RLN2: variants seen among roughly 807,000 people sequenced by gnomAD.
The protein encoded by RLN2 is prorelaxin H2.
Under a neutral mutation model 7.3 loss-of-function variants are expected in RLN2, and 10 were observed. The ratio of observed to expected loss-of-function variants is 1.36; its 90% CI spans 0.84 to 2.31. RLN2 has a LOEUF of 2.31. Among genes scored for constraint, RLN2 ranks in the 30% most tolerant of loss-of-function variants. RLN2 has a pLI of 0.00. For synonymous variants in RLN2, 103 were observed against 82.3 expected, an observed-to-expected ratio of 1.25 and a Z score of -1.36; for missense variants, 298 against 217.6, an observed-to-expected ratio of 1.37 and a Z score of -2.32.
At chr9:5,307,271 G>GGATAGATA (rs148888922), upstream of RLN2, among the ~76,000 whole-genome samples, 919 of 143,562 alleles carry the variant, frequency 6.4e-3, 9 homozygotes, top group African/African-American at 9.1e-3. Context: ...GATAGATAGA[G>GGATAGATA]GATAGATAGA....
the RLN2 span, among the ~76,000 whole-genome samples, chr9:5,323,430 T>C: frequency 6.6e-6 from 1 of 152,104 alleles, no homozygotes. Context: ...GTCATCATCA[T>C]TATTTCATCT....
At chr9:5,315,289 C>T in the RLN2 span, among the ~76,000 whole-genome samples, 1 of 150,902 alleles carries the variant, frequency 6.6e-6, no homozygotes, top group African/African-American at 2.4e-5. Flanking sequence ...TCTTAGAGCT[C>T]AAGAACTGAG....
At chr9:5,329,582 GA>G in the RLN2 span, among the ~76,000 whole-genome samples, 58 of 145,260 alleles carry the variant, frequency 4.0e-4, no homozygotes, top group South Asian at 6.5e-4. Flanking sequence ...GAAACGGAGA[GA>G]AAAAAAAAAA....
chr9:5,337,471 T>G, the RLN2 span, among the ~76,000 whole-genome samples: 5 of 152,050 alleles, frequency 3.3e-5, no homozygotes, highest in African/African-American at 1.2e-4. Flanking sequence ...GTATTTTGGA[T>G]GCAAATCTTA....
upstream of RLN2, among the ~76,000 whole-genome samples, chr9:5,307,000 T>C (rs1816263100): frequency 6.6e-6 from 1 of 152,022 alleles, no homozygotes; most frequent in Non-Finnish European, 1.5e-5. Flanking sequence ...CTCCTTTCTT[T>C]CCTTCCTGAA....
chr9:5,317,489 G>C, the RLN2 span, among the ~76,000 whole-genome samples: 1,052 of 148,652 alleles, frequency 7.1e-3, 24 homozygotes, highest in African/African-American at 0.026. Context: ...TGAGAACGAA[G>C]AGCTCTGAGG....
the RLN2 span, among the ~76,000 whole-genome samples, chr9:5,323,595 A>G: frequency 6.6e-6 from 1 of 151,934 alleles, no homozygotes; most frequent in Non-Finnish European, 1.5e-5. Context: ...TGCTGTACTT[A>G]TTAAAGGTAC....
At chr9:5,318,724 T>G in the RLN2 span, among the ~76,000 whole-genome samples, 1 of 151,942 alleles carries the variant, frequency 6.6e-6, no homozygotes, top group Non-Finnish European at 1.5e-5. Context: ...GTTACTTGTT[T>G]GTAGTTTTTG....
the RLN2 span, among the ~76,000 whole-genome samples, chr9:5,324,398 C>A: frequency 6.6e-6 from 1 of 151,948 alleles, no homozygotes; most frequent in Non-Finnish European, 1.5e-5. Flanking sequence ...AATCATTTTA[C>A]ATTATAATTT....
chr9:5,325,335 G>C, the RLN2 span, among the ~76,000 whole-genome samples: 7 of 151,676 alleles, frequency 4.6e-5, no homozygotes, highest in Non-Finnish European at 8.8e-5. Context: ...TTAAAAATAG[G>C]AAAGGCTAGA....
the RLN2 span, among the ~76,000 whole-genome samples, chr9:5,314,857 C>T: frequency 2.6e-5 from 4 of 151,624 alleles, no homozygotes; most frequent in Non-Finnish European, 5.9e-5. Context: ...TCCCTCGTGT[C>T]CTGGGGCCTA....
chr9:5,309,275 ACT>A (rs1359692995), upstream of RLN2, among the ~76,000 whole-genome samples: 1 of 151,378 alleles, frequency 6.6e-6, no homozygotes, highest in African/African-American at 2.4e-5. Flanking sequence ...ATCCCTTCTC[ACT>A]CTCTGCTCAG....
the RLN2 span, among the ~76,000 whole-genome samples, chr9:5,330,431 G>T: frequency 6.6e-6 from 1 of 151,784 alleles, no homozygotes; most frequent in Non-Finnish European, 1.5e-5. Flanking sequence ...GAGGTCAGGA[G>T]ATCGAGACCA....
the RLN2 span, among the ~76,000 whole-genome samples, chr9:5,319,126 A>T: frequency 6.6e-6 from 1 of 151,996 alleles, no homozygotes; most frequent in African/African-American, 2.4e-5. Context: ...AGTTTCATAC[A>T]CATCCCTTTC....
chr9:5,331,606 G>T, the RLN2 span, among the ~76,000 whole-genome samples: 1 of 127,502 alleles, frequency 7.8e-6, no homozygotes, highest in Non-Finnish European at 1.6e-5. Context: ...CCATAGGTGG[G>T]AATTGAACAA....
intron 1 of RLN2, chr9:5,303,972 T>C: frequency 5.9e-6 from 1 of 168,884 alleles, no homozygotes; most frequent in Non-Finnish European, 1.0e-5. Context: ...GCACGCCCGC[T>C]GTCTGGCCGC....
At chr9:5,333,758 G>A in the RLN2 span, among the ~76,000 whole-genome samples, 322 of 152,072 alleles carry the variant, frequency 2.1e-3, 2 homozygotes, top group African/African-American at 6.6e-3. Context: ...GAACATCGAT[G>A]CAAAAATCCT....
At chr9:5,337,798 T>C in the RLN2 span, among the ~76,000 whole-genome samples, 20 of 152,142 alleles carry the variant, frequency 1.3e-4, no homozygotes, top group South Asian at 4.2e-3. Flanking sequence ...CTTTGAAATC[T>C]CATGTCTCTT....
chr9:5,306,109 G>GTTTTTTTTT, upstream of RLN2, among the ~76,000 whole-genome samples: 1 of 131,526 alleles, frequency 7.6e-6, no homozygotes, highest in Non-Finnish European at 1.6e-5. Flanking sequence ...TTTGTTTTTT[G>GTTTTTTTTT]TTTTTTTTTT....
Sources: allele counts gnomAD v4.1 joint callset (sites outside exome capture counted in the v4.1 genomes callset), GRCh38; gene constraint gnomAD v4.1.1; transcripts MANE v1.5; gene names NCBI Gene and HGNC (gene_info 2026-07-23, HGNC 2026-07-21).